BANP: variants seen among roughly 807,000 people sequenced by gnomAD.
BANP encodes the protein BTG3 associated nuclear protein.
BANP carries 11 observed loss-of-function variants against 68.1 expected under a neutral mutation model. The ratio of observed to expected loss-of-function variants is 0.16; its 90% CI spans 0.10 to 0.27. The LOEUF (loss-of-function observed/expected upper bound fraction) is 0.27. Among genes scored for constraint, BANP ranks in the 10% least tolerant of loss-of-function variants. BANP has a pLI of 1.00. For missense variants in BANP, 504 were observed against 722.7 expected (o/e 0.70, Z 3.47); for synonymous variants, 329 against 303.2 (o/e 1.09, Z -0.88).
Position 88,055,157 on chromosome 16 carries a change from C to T in BANP, c.1312-10110C>T, listed in dbSNP as rs1380456037. 4.0e-5 allele frequency among the ~76,000 whole-genome samples: 6 copies of T among 150,506 alleles called. No homozygotes were observed. The South Asian group carries it at 1.3e-3, about 31-fold the overall frequency. On this transcript the variant is annotated intron_variant, in intron 11 of 13. Coordinates refer to ENST00000682872, the MANE Select transcript of BANP (RefSeq NM_001386991.1). Reference sequence around the variant, plus strand: ...TTTAAACAGATGTAGCTAATGTTACCTAAGATGTGCACGAACAAAGCTTAT... The same window carrying T: ...TTTAAACAGATGTAGCTAATGTTACTTAAGATGTGCACGAACAAAGCTTAT...
Position 87,995,378 on chromosome 16 carries a change from G to A in BANP, c.363-8917G>A, listed in dbSNP as rs1427161731. ...TTTTATTTGGCCCCGGTCCTTGTGT[G>A]TTATGTAGGAGCATAAATGTCCATG... is the stretch of plus-strand genomic sequence containing the variant. On this transcript the variant is annotated intron_variant, in intron 4 of 13. Coordinates refer to ENST00000682872, the MANE Select transcript of BANP (RefSeq NM_001386991.1). 2.6e-5 allele frequency among the ~76,000 whole-genome samples: 4 copies of A among 152,322 alleles called. No homozygotes were observed. The South Asian group carries it at 8.3e-4, about 32-fold the overall frequency.
At chr16:87,994,898 C>T (rs910916038) in intron 4 of BANP, among the ~76,000 whole-genome samples, 4 of 152,170 alleles carry the variant, frequency 2.6e-5, no homozygotes, top group African/African-American at 9.7e-5. Flanking sequence ...TAGAGGGTCC[C>T]CTGGACTTGT....
At chr16:87,987,028 T>TCTATTTAAAATC (rs1348170151) in intron 4 of BANP, among the ~76,000 whole-genome samples, 7 of 152,228 alleles carry the variant, frequency 4.6e-5, no homozygotes, top group Non-Finnish European at 7.3e-5. Context: ...AAAAGTATAT[T>TCTATTTAAAATC]CTATTTAAAA....
intron 1 of BANP, among the ~76,000 whole-genome samples, chr16:87,968,082 T>A (rs951743184): frequency 1.2e-5 from 1 of 80,200 alleles, no homozygotes; most frequent in African/African-American, 6.5e-5. Context: ...TTTTTTGCCT[T>A]TTTTTTTTTA....
chr16:87,957,285 G>C lies in BANP; in HGVS notation c.-69+5770G>C, dbSNP rs111317214. Among the ~76,000 whole-genome samples the C allele has an allele frequency of 4.3e-3, 654 of 152,332 alleles. 5 individuals carry two copies. The highest frequency in any genetic ancestry group is 0.014 in the African/African-American group (589 of 41,572). On this transcript the variant is annotated intron_variant, in intron 1 of 13. Coordinates refer to ENST00000682872, the MANE Select transcript of BANP (RefSeq NM_001386991.1). This position sits in a 1 kb window ranked among gnomAD's most constrained non-coding sequence, Gnocchi z 4.3. ...AGCTTACAGCGTGGGAGCTGTGGAAGGACACATGGAGCAGAGGCGGCTGAG... is the reference window on the plus strand; with the variant it reads ...AGCTTACAGCGTGGGAGCTGTGGAACGACACATGGAGCAGAGGCGGCTGAG...
At chr16:88,033,348 A>C (rs557078645) in intron 9 of BANP, 103 bp downstream of exon 9, 9 of 1,240,086 alleles carry the variant, frequency 7.3e-6, no homozygotes, top group Non-Finnish European at 8.6e-6. Context: ...TTGGGAGCAC[A>C]GTGATAGCTT....
intron 4 of BANP, among the ~76,000 whole-genome samples, chr16:87,984,956 T>A (rs551416107): frequency 6.6e-6 from 1 of 152,328 alleles, no homozygotes; most frequent in East Asian, 1.9e-4. Context: ...TGAGCGCTAC[T>A]CACTTCAGGT....
At chr16:87,982,297 C>T (rs567183120) in intron 3 of BANP, among the ~76,000 whole-genome samples, 33 of 152,280 alleles carry the variant, frequency 2.2e-4, no homozygotes, top group African/African-American at 6.5e-4. Context: ...ATGTGACTTG[C>T]GTAGAGTCGT....
chr16:88,058,466 A>T (rs1053514744), intron 11 of BANP, among the ~76,000 whole-genome samples: 3 of 152,120 alleles, frequency 2.0e-5, no homozygotes, highest in African/African-American at 7.2e-5. Context: ...GTGGCTTCCT[A>T]AGTGACTCAA....
At chr16:88,013,232 C>G (rs2073648761) in intron 6 of BANP, among the ~76,000 whole-genome samples, 1 of 152,256 alleles carries the variant, frequency 6.6e-6, no homozygotes, top group South Asian at 2.1e-4. Context: ...CGTCTGAGCG[C>G]CTCTCCCGTG....
At chr16:88,061,443 G>A (rs1419916618) in intron 11 of BANP, among the ~76,000 whole-genome samples, 1 of 152,234 alleles carries the variant, frequency 6.6e-6, no homozygotes, top group Non-Finnish European at 1.5e-5. Context: ...CTGGCCTGCT[G>A]TGTGTGCTCT....
At chr16:87,951,697 C>T (rs1597618408) in intron 1 of BANP, among the ~76,000 whole-genome samples, 182 bp downstream of exon 1, 2 of 149,302 alleles carry the variant, frequency 1.3e-5, no homozygotes, top group African/African-American at 2.4e-5. Context: ...CCGTCCCCGG[C>T]CGCGCCCCGG....
chr16:87,982,472 C>G (rs2063465578), intron 3 of BANP: 1 of 152,206 alleles, frequency 6.6e-6, no homozygotes, highest in Admixed American at 6.5e-5. Flanking sequence ...GCGGCGTTAT[C>G]AGTGGCCATT....
intron 11 of BANP, among the ~76,000 whole-genome samples, chr16:88,054,419 C>G (rs758037122): frequency 2.7e-4 from 41 of 151,956 alleles, no homozygotes; most frequent in Admixed American, 1.4e-3. Context: ...ACCACCTTAA[C>G]AAACACTACC....
chr16:88,028,135 A>C (rs1451701776), intron 8 of BANP, among the ~76,000 whole-genome samples: 1 of 152,224 alleles, frequency 6.6e-6, no homozygotes, highest in African/African-American at 2.4e-5. Context: ...TCCTTGGAGA[A>C]TTTTCACTAG....
intron 8 of BANP, among the ~76,000 whole-genome samples, chr16:88,029,033 G>A (rs1389226897): frequency 7.9e-5 from 12 of 152,184 alleles, no homozygotes; most frequent in Admixed American, 5.2e-4. Context: ...GAGCCCAGGC[G>A]TGGTGGCTCA....
At chr16:88,034,031 C>T (rs565245533) in intron 9 of BANP, among the ~76,000 whole-genome samples, 33 of 152,332 alleles carry the variant, frequency 2.2e-4, no homozygotes, top group African/African-American at 7.5e-4. Context: ...CGTGTGCCTC[C>T]GTGTCACCAG....
chr16:88,016,663 G>A (rs1218918719), intron 6 of BANP, among the ~76,000 whole-genome samples: 2 of 152,226 alleles, frequency 1.3e-5, no homozygotes, highest in Non-Finnish European at 2.9e-5. Context: ...TGCAGCTGCG[G>A]CCTTTAGAGA....
At chr16:88,055,768 C>T (rs181644370) in intron 11 of BANP, among the ~76,000 whole-genome samples, 1 of 152,078 alleles carries the variant, frequency 6.6e-6, no homozygotes, top group African/African-American at 2.4e-5. Flanking sequence ...TAGACACACA[C>T]CCTATGTCAC....
Sources: allele counts gnomAD v4.1 joint callset (sites outside exome capture counted in the v4.1 genomes callset), GRCh38; gene constraint gnomAD v4.1.1; non-coding constraint Gnocchi (gnomAD v3.1); transcripts MANE v1.5; gene names NCBI Gene and HGNC (gene_info 2026-07-23, HGNC 2026-07-21).